The following BIVM variants were observed in gnomAD, a reference collection of about 807,000 sequenced individuals.
The protein encoded by BIVM is basic, immunoglobulin-like variable motif containing.
BIVM carries 31 observed loss-of-function variants against 61.4 expected under a neutral mutation model. That is an observed-to-expected ratio of 0.51 (90% confidence interval 0.38 to 0.68). The LOEUF (loss-of-function observed/expected upper bound fraction) is 0.68, where lower values mean the gene tolerates loss of function less well. Ranked by LOEUF, BIVM falls within the 30% of genes least tolerant of loss-of-function variation. BIVM has a pLI of 0.00. For synonymous variants in BIVM, 189 were observed against 210.7 expected, an observed-to-expected ratio of 0.90 and a Z score of 0.89; for missense variants, 526 against 596.0, an observed-to-expected ratio of 0.88 and a Z score of 1.22.
chr13:102,828,588 T>C (rs1197152221), intron 7 of BIVM, among the ~76,000 whole-genome samples: 2 of 152,210 alleles, frequency 1.3e-5, no homozygotes, highest in African/African-American at 2.4e-5. Flanking sequence ...ACACAAATAA[T>C]AAATCTCTTG....
chr13:102,819,277 T>C (rs1880076918), intron 4 of BIVM, among the ~76,000 whole-genome samples: 1 of 152,184 alleles, frequency 6.6e-6, no homozygotes, highest in Non-Finnish European at 1.5e-5. Context: ...TTTTGCAAGA[T>C]GAAAAAGTTC....
chr13:102,821,205 A>G (rs1880251274), intron 5 of BIVM, 73 bp downstream of exon 5: 2 of 1,300,934 alleles, frequency 1.5e-6, no homozygotes, highest in Non-Finnish European at 2.1e-6. Context: ...AACAGAAAAA[A>G]ATTTAAGAAT....
In BIVM at chr13:102,839,671, C is replaced by T; in HGVS notation, c.1318C>T (p.Gln440Ter). The change falls in exon 11 of 11, where the codon CAA (glutamine) becomes TAA (stop). Residue 440 changes from glutamine (Q) to a stop codon, truncating the protein, a stop_gained. Transcript: ENST00000257336. LOFTEE classifies it high-confidence loss of function. ...FPFGTIRQES[Q>*]PPTHAQGIAK... The stretch of plus-strand genomic sequence containing the variant: ...ATTTGGAACCATTAGACAAGAATCA[C>T]AACCTCCAACACATGCCCAGGGAAT... The T allele has an allele frequency of 1.2e-6, 2 of 1,614,200 alleles. No individual in the cohort carries two copies. The highest frequency in any genetic ancestry group is 8.5e-7 in the Non-Finnish European group (1 of 1,180,022).
At chr13:102,814,220 T>C (rs563975028) in intron 3 of BIVM, among the ~76,000 whole-genome samples, 6 of 152,152 alleles carry the variant, frequency 3.9e-5, no homozygotes, top group Non-Finnish European at 7.4e-5. Flanking sequence ...GCTGATGTGA[T>C]GGAAGGCAGA....
intron 1 of BIVM, among the ~76,000 whole-genome samples, chr13:102,803,217 T>C (rs1266370878): frequency 1.3e-5 from 2 of 149,204 alleles, no homozygotes; most frequent in Non-Finnish European, 3.0e-5. Context: ...ACTTTTACAA[T>C]CCCTGCCAGG....
intron 1 of BIVM, among the ~76,000 whole-genome samples, chr13:102,799,806 A>G (rs1247009549): frequency 6.6e-6 from 1 of 152,230 alleles, no homozygotes; most frequent in African/African-American, 2.4e-5. Flanking sequence ...GAGAAGCGCC[A>G]GGGAAAGAAG....
intron 7 of BIVM, among the ~76,000 whole-genome samples, chr13:102,824,436 G>T (rs1880515592): frequency 6.6e-6 from 1 of 152,216 alleles, no homozygotes; most frequent in South Asian, 2.1e-4. Flanking sequence ...TTTTGTTTCT[G>T]TGCCCACAAA....
chr13:102,839,073 G>T (rs4142597), intron 10 of BIVM, among the ~76,000 whole-genome samples: 149,656 of 152,308 alleles, frequency 0.98, 73,583 homozygotes, highest in East Asian at 1. Flanking sequence ...TTTATGTGTC[G>T]TTTTTAGATG....
intron 4 of BIVM, among the ~76,000 whole-genome samples, chr13:102,820,053 C>T (rs762990016): frequency 9.2e-5 from 14 of 152,010 alleles, no homozygotes; most frequent in South Asian, 2.1e-4. Context: ...CCCACAACCA[C>T]GCTTGACTAG....
chr13:102,832,742 G>A (rs1317126875), intron 8 of BIVM, among the ~76,000 whole-genome samples: 1 of 152,158 alleles, frequency 6.6e-6, no homozygotes, highest in Non-Finnish European at 1.5e-5. Context: ...TATTTCCAAT[G>A]TCAGAAACTA....
Position 102,841,015 on chromosome 13 carries a change from C to G in BIVM, c.*1150C>G, listed in dbSNP as rs1881767066. On this transcript the variant is annotated 3_prime_UTR_variant, in exon 11 of 11. Coordinates refer to ENST00000257336, the MANE Select transcript of BIVM (RefSeq NM_017693.4). The stretch of plus-strand genomic sequence containing the variant: ...CCCAAGTCACTCAGAGGACAACTAC[C>G]CATATTCCAGACTCTGAGCTGTTTC... 6.6e-6 allele frequency: 1 copy of G among 152,538 alleles called. No individual in the cohort carries two copies. Among genetic ancestry groups the G allele is most frequent in the Non-Finnish European group, 1.5e-5 (1 of 68,020 alleles). 9.4% of individuals were successfully genotyped at this position (152,538 alleles called of 1,614,324 possible). A position where few individuals can be genotyped will look rare whatever the true frequency, so the allele number is the denominator to read the frequency against.
chr13:102,804,389 C>T (rs527343935), intron 1 of BIVM, among the ~76,000 whole-genome samples: 42 of 152,328 alleles, frequency 2.8e-4, no homozygotes, highest in African/African-American at 9.1e-4. Flanking sequence ...CAGCTCACTG[C>T]AACCTCCACC....
chr13:102,827,086 A>G (rs894280222), intron 7 of BIVM, among the ~76,000 whole-genome samples: 2 of 152,142 alleles, frequency 1.3e-5, no homozygotes, highest in African/African-American at 4.8e-5. Flanking sequence ...CAACTTTAAG[A>G]TTTTATACTA....
chr13:102,832,334 G>A, intron 8 of BIVM, among the ~76,000 whole-genome samples: 1 of 152,050 alleles, frequency 6.6e-6, no homozygotes, highest in East Asian at 1.9e-4. Context: ...AGAACTACAG[G>A]CATGCACCAC....
chr13:102,829,975 C>T (rs1880953007), intron 7 of BIVM, among the ~76,000 whole-genome samples: 1 of 152,158 alleles, frequency 6.6e-6, no homozygotes, highest in South Asian at 2.1e-4. Context: ...TACCATCCTA[C>T]CCTGTATTCT....
intron 9 of BIVM, 51 bp from the exon 10 acceptor site, chr13:102,838,592 A>G: frequency 6.8e-7 from 1 of 1,470,198 alleles, no homozygotes; most frequent in Non-Finnish European, 9.2e-7. Flanking sequence ...CATTGCAATG[A>G]TACTTTAGAC....
chr13:102,821,155 A>G, intron 5 of BIVM, 23 bp downstream of exon 5: 1 of 1,584,996 alleles, frequency 6.3e-7, no homozygotes, highest in East Asian at 2.2e-5. Context: ...ATTTATCAGT[A>G]CCCCCAAACT....
intron 1 of BIVM, chr13:102,801,891 A>G (rs1003359508): frequency 2.0e-5 from 3 of 152,270 alleles, no homozygotes; most frequent in Non-Finnish European, 4.4e-5. Flanking sequence ...TTGAGCTGAC[A>G]TTGGAAAGAT....
intron 3 of BIVM, 88 bp from the exon 4 acceptor site, chr13:102,816,340 C>G (rs965129717): frequency 2.1e-5 from 27 of 1,276,438 alleles, no homozygotes; most frequent in Non-Finnish European, 2.7e-5. Context: ...AAGGCAGTTA[C>G]TTCTTAATTT....
Sources: allele counts gnomAD v4.1 joint callset (sites outside exome capture counted in the v4.1 genomes callset), GRCh38; gene constraint gnomAD v4.1.1; transcripts MANE v1.5; gene names NCBI Gene and HGNC (gene_info 2026-07-23, HGNC 2026-07-21).